The following ALG13 variants were observed in gnomAD, a reference collection of about 807,000 sequenced individuals.
ALG13 encodes the protein UDP-N-acetylglucosamine transferase subunit ALG13.
A neutral mutation model predicts 87.8 loss-of-function variants in ALG13; 11 were observed. The ratio of observed to expected loss-of-function variants is 0.13; its 90% CI spans 0.08 to 0.21. The LOEUF (loss-of-function observed/expected upper bound fraction) is 0.21. Among genes scored for constraint, ALG13 ranks in the 10% least tolerant of loss-of-function variants. ALG13 has a pLI of 1.00. For missense variants in ALG13, 756 were observed against 866.1 expected (o/e 0.87, Z 1.60); for synonymous variants, 320 against 306.3 (o/e 1.04, Z -0.47).
chrX:111,743,223 A>T (rs764866166), intron 23 of ALG13, among the ~76,000 whole-genome samples: 1 of 111,452 alleles, frequency 9.0e-6, no homozygotes, highest in East Asian at 2.8e-4. Flanking sequence ...AAATGGCATG[A>T]TACGTTTTCA....
chrX:111,712,391 C>T, intron 6 of ALG13, 93 bp from the exon 7 acceptor site: 1 of 458,136 alleles, frequency 2.2e-6, no homozygotes, highest in South Asian at 5.2e-5. Flanking sequence ...TCATCTAAAA[C>T]AGTGCTAAGC....
In ALG13 at chrX:111,726,231, TG is replaced by T. The variant is rs1383838133; in HGVS notation, c.1730-577del. Among the ~76,000 whole-genome samples the T allele has an allele frequency of 3.0e-3, 291 of 96,589 alleles. 1 individual carries two copies. The highest frequency in any genetic ancestry group is 0.012 in the African/African-American group (274 of 22,357). 83.9% of individuals were successfully genotyped at this position (96,589 alleles called of 115,157 possible). ...AAGTGCTGGGATTACAGGCGTGTTT[TG>T]TTTTTTTTTTTTTTTTTTTTTGAGA... On this transcript the variant is annotated intron_variant, in intron 15 of 26. Coordinates refer to ENST00000394780, the MANE Select transcript of ALG13 (RefSeq NM_001099922.3).
chrX:111,688,161 A>G, intron 3 of ALG13: 1 of 841,197 alleles, frequency 1.2e-6, no homozygotes, highest in Non-Finnish European at 1.4e-6. Flanking sequence ...GCACATTTGC[A>G]TTGGGTCCAA....
At chrX:111,686,590 G>A (rs1934986205) in intron 3 of ALG13, among the ~76,000 whole-genome samples, 1 of 112,096 alleles carries the variant, frequency 8.9e-6, no homozygotes, top group Non-Finnish European at 1.9e-5. Context: ...CAGGGTGGCT[G>A]TGTAACATAG....
chrX:111,703,714 C>T (rs1051010944), intron 3 of ALG13, among the ~76,000 whole-genome samples: 1 of 111,602 alleles, frequency 9.0e-6, no homozygotes, highest in South Asian at 3.7e-4. Context: ...ATTTTCTATT[C>T]CTAGGAAGTA....
intron 24 of ALG13, among the ~76,000 whole-genome samples, chrX:111,750,601 T>C (rs934159557): frequency 9.0e-6 from 1 of 111,431 alleles, no homozygotes; most frequent in African/African-American, 3.3e-5. Flanking sequence ...CCTTCATTTC[T>C]GTCAGCATTT....
At chrX:111,741,810 CAA>C (rs11311106) in intron 23 of ALG13, among the ~76,000 whole-genome samples, 22 of 57,226 alleles carry the variant, frequency 3.8e-4, no homozygotes, top group African/African-American at 6.7e-4. Flanking sequence ...GACTTTGTCT[CAA>C]AAAAAAAAAA....
At chrX:111,734,166 TA>T (rs892603451) in intron 21 of ALG13, among the ~76,000 whole-genome samples, 4 of 112,694 alleles carry the variant, frequency 3.5e-5, no homozygotes, top group African/African-American at 1.3e-4. Context: ...TTTGCTTAAT[TA>T]AGTCCCATCT....
Position 111,760,165 on chromosome X carries a change from G to A in ALG13, c.*166G>A. ...ATTTAAAATAGTACTTTAAAATTAA[G>A]GGGTATTATTTTGGGCTGTGACTAA... On this transcript the variant is annotated 3_prime_UTR_variant, in exon 27 of 27. Coordinates refer to ENST00000394780, the MANE Select transcript of ALG13 (RefSeq NM_001099922.3). 3.3e-6 allele frequency: 2 copies of A among 602,941 alleles called. No individual in the cohort carries two copies. The highest frequency in any genetic ancestry group is 4.4e-5 in the Admixed American group (1 of 22,804). 49.7% of individuals were successfully genotyped at this position (602,941 alleles called of 1,213,427 possible).
chrX:111,742,026 A>G (rs774855624), intron 23 of ALG13, among the ~76,000 whole-genome samples: 1 of 112,082 alleles, frequency 8.9e-6, no homozygotes, highest in African/African-American at 3.2e-5. Flanking sequence ...TGTTTTATTT[A>G]TGTGGAATCA....
In ALG13 at chrX:111,736,777, T is replaced by C. The variant is rs199990990; in HGVS notation, c.2593T>C (p.Ser865Pro). The C allele has an allele frequency of 4.6e-5, 56 of 1,209,115 alleles. No homozygotes were observed. Among genetic ancestry groups the C allele is most frequent in the African/African-American group, 8.8e-5 (5 of 57,128 alleles). Residue 865 changes from serine (S) to proline (P), a missense_variant, in exon 23 of 27, where the codon TCT (serine) becomes CCT (proline). Coordinates refer to ENST00000394780, the MANE Select transcript of ALG13 (RefSeq NM_001099922.3). ...CANNVPAPVL[S>P]NGAAANQAIS... ...CAATAATGTTCCAGCTCCAGTCTTA[T>C]CTAACGGTGCAGCGGCTAATCAAGC...
chrX:111,753,132 G>A (rs775429148), intron 25 of ALG13: 9 of 181,296 alleles, frequency 5.0e-5, no homozygotes, highest in Non-Finnish European at 9.2e-5. Flanking sequence ...TCACTGTGGT[G>A]TTCTGTCTCA....
At chrX:111,716,150 G>T (rs899620256) in intron 8 of ALG13, among the ~76,000 whole-genome samples, 2 of 111,130 alleles carry the variant, frequency 1.8e-5, no homozygotes, top group African/African-American at 3.3e-5. Context: ...AAATGTAAAT[G>T]GGCCCATATT....
intron 24 of ALG13, among the ~76,000 whole-genome samples, chrX:111,751,066 CTT>C (rs58149728): frequency 5.0e-4 from 37 of 74,458 alleles, no homozygotes; most frequent in African/African-American, 2.1e-3. Flanking sequence ...ATAAGCATAA[CTT>C]TTTTTTTTTT....
At chrX:111,696,432 A>G (rs1410211606) in intron 3 of ALG13, among the ~76,000 whole-genome samples, 1 of 111,769 alleles carries the variant, frequency 8.9e-6, no homozygotes, top group Non-Finnish European at 1.9e-5. Context: ...CCAAGTTCAT[A>G]ACATTCTTTT....
At chrX:111,750,795 G>A (rs1323192968) in intron 24 of ALG13, among the ~76,000 whole-genome samples, 1 of 109,774 alleles carries the variant, frequency 9.1e-6, no homozygotes, top group Non-Finnish European at 1.9e-5. Flanking sequence ...AGCCTCCCAA[G>A]TAGCTGGCAT....
chrX:111,753,420 A>G (rs1173117128), intron 25 of ALG13, among the ~76,000 whole-genome samples: 2 of 111,930 alleles, frequency 1.8e-5, no homozygotes, highest in Non-Finnish European at 3.8e-5. Context: ...CAAATTCAAA[A>G]CCTAGCAAAA....
Position 111,744,768 on chromosome X carries a change from A to ACCT in ALG13, c.2833_2835dup (p.Pro945dup), listed in dbSNP as rs56717389. On this transcript the variant is annotated inframe_insertion, in exon 24 of 27. Coordinates refer to ENST00000394780, the MANE Select transcript of ALG13 (RefSeq NM_001099922.3). Reference sequence around the variant, plus strand: ...CACCACCACCACCACCACCACCACCACCTCCTCCTCCTCCTCCTCCTCCTC... The same window carrying ACCT: ...CACCACCACCACCACCACCACCACCACCTCCTCCTCCTCCTCCTCCTCCTCCTC... 11,911 of 575,972 alleles carry ACCT rather than the reference A, an allele frequency of 0.021. 34 individuals carry two copies. The highest frequency in any genetic ancestry group is 0.026 in the Middle Eastern group (40 of 1,559). The allele number at this position is 575,972 out of a possible 1,213,427, so 47.5% of individuals were successfully genotyped here.
At position 111,744,594 on chromosome X, in the gene ALG13, A is replaced by G. The variant is rs1284242603; in HGVS notation, c.2696-74A>G. On this transcript the variant is annotated intron_variant, in intron 23 of 26. Transcript: ENST00000394780. ...GTTCTTTGACCATACTGGAGACAAG[A>G]AAAGTAGATGAGCCTACTGTTCATA... 5.6e-6 allele frequency: 6 copies of G among 1,078,433 alleles called. No homozygotes were observed. In the East Asian group the frequency reaches 2.0e-4, roughly 35 times the overall value. 88.9% of individuals were successfully genotyped at this position (1,078,433 alleles called of 1,213,427 possible).
Sources: allele counts gnomAD v4.1 joint callset (sites outside exome capture counted in the v4.1 genomes callset), GRCh38; gene constraint gnomAD v4.1.1; transcripts MANE v1.5; gene names NCBI Gene and HGNC (gene_info 2026-07-23, HGNC 2026-07-21).